The following GHR variants were observed in gnomAD, a reference collection of about 807,000 sequenced individuals.
GHR encodes GH receptor.
GHR carries 35 observed loss-of-function variants against 67.1 expected under a neutral mutation model. That is an observed-to-expected ratio of 0.52 (90% confidence interval 0.40 to 0.69). The LOEUF (loss-of-function observed/expected upper bound fraction) is 0.69. Among genes scored for constraint, GHR ranks in the 30% least tolerant of loss-of-function variants. The probability of loss-of-function intolerance (pLI) is 0.00; values close to 1 mark genes in which losing one functional copy is unlikely to be tolerated. For missense variants in GHR, 792 were observed against 764.6 expected (o/e 1.04, Z -0.42); for synonymous variants, 272 against 269.1 (o/e 1.01, Z -0.10).
At chr5:42,427,312 T>C (rs1250703493) in intron 1 of GHR, among the ~76,000 whole-genome samples, 1 of 152,152 alleles carries the variant, frequency 6.6e-6, no homozygotes. Context: ...CTCACAATCA[T>C]GGCGGAAGGT....
chr5:42,698,524 G>A (rs1484563130), intron 5 of GHR, among the ~76,000 whole-genome samples: 2 of 152,112 alleles, frequency 1.3e-5, no homozygotes, highest in Admixed American at 6.6e-5. Context: ...TCAAAATGTA[G>A]TCATGATTCA....
At chr5:42,563,733 G>C (rs1280849190) in intron 1 of GHR, among the ~76,000 whole-genome samples, 1 of 151,834 alleles carries the variant, frequency 6.6e-6, no homozygotes. Context: ...GCTTAAACCT[G>C]GGAGGCGGAA....
chr5:42,477,446 A>C (rs1468111999), intron 1 of GHR, among the ~76,000 whole-genome samples: 1 of 152,218 alleles, frequency 6.6e-6, no homozygotes, highest in East Asian at 1.9e-4. Context: ...TAGATCCCTG[A>C]GGAATCGCCA....
At chr5:42,671,678 C>T (rs572332638) in intron 3 of GHR, among the ~76,000 whole-genome samples, 31 of 150,936 alleles carry the variant, frequency 2.1e-4, no homozygotes, top group African/African-American at 5.3e-4. Context: ...ACTAGGCGGC[C>T]GGGCGCGGTG....
chr5:42,548,340 C>G (rs998660648), intron 1 of GHR: 1 of 985,144 alleles, frequency 1.0e-6, no homozygotes, highest in African/African-American at 1.7e-5. Context: ...AAGTGGTAAC[C>G]AAGAAACTTC....
chr5:42,720,456 T>C lies in GHR; in HGVS notation c.*1032T>C, dbSNP rs961035722. ...TTTAGTGCGTGCAGATGGTGAGAGA[T>C]AAGATCTATAGCCTCTGCAGCGGAA... On this transcript the variant is annotated 3_prime_UTR_variant, in exon 10 of 10. Transcript: ENST00000230882. 2.6e-5 allele frequency: 4 copies of C among 152,218 alleles called. No homozygotes were observed. Among genetic ancestry groups the C allele is most frequent in the Non-Finnish European group, 4.4e-5 (3 of 68,052 alleles). The allele number at this position is 152,218 out of a possible 1,614,324, so 9.4% of individuals were successfully genotyped here. A position where few individuals can be genotyped will look rare whatever the true frequency, so the allele number is the denominator to read the frequency against.
intron 1 of GHR, among the ~76,000 whole-genome samples, chr5:42,533,236 C>A (rs918960922): frequency 3.6e-4 from 55 of 152,144 alleles, no homozygotes; most frequent in African/African-American, 1.3e-3. Flanking sequence ...TCTGAATTGC[C>A]TATTTCTCCT....
chr5:42,561,297 T>C (rs1394232599), intron 1 of GHR, among the ~76,000 whole-genome samples: 1 of 152,228 alleles, frequency 6.6e-6, no homozygotes, highest in Non-Finnish European at 1.5e-5. Context: ...TTTCATGTGT[T>C]TGTACTGCCT....
chr5:42,705,779 C>T (rs1407244643), intron 6 of GHR, among the ~76,000 whole-genome samples: 1 of 152,086 alleles, frequency 6.6e-6, no homozygotes, highest in Non-Finnish European at 1.5e-5. Context: ...TGTACATATA[C>T]CACATTTCCT....
At chr5:42,634,541 A>ACACG (rs1754081877) in intron 3 of GHR, among the ~76,000 whole-genome samples, 1 of 151,808 alleles carries the variant, frequency 6.6e-6, no homozygotes, top group Non-Finnish European at 1.5e-5. Flanking sequence ...ACACACACAC[A>ACACG]CACTGCAAAA....
intron 1 of GHR, among the ~76,000 whole-genome samples, chr5:42,541,713 A>G (rs1277667814): frequency 6.6e-6 from 1 of 152,200 alleles, no homozygotes; most frequent in Non-Finnish European, 1.5e-5. Flanking sequence ...GGAGATAAAG[A>G]TGGAGATGGT....
At position 42,711,274 on chromosome 5, in the gene GHR, G is replaced by A. The variant is rs6177; in HGVS notation, c.686G>A (p.Arg229His). 1,360 of 1,612,192 alleles carry A rather than the reference G, an allele frequency of 8.4e-4. 10 individuals carry two copies. Among genetic ancestry groups the A allele is most frequent in the Middle Eastern group, 8.1e-3 (49 of 6,054 alleles). Reference sequence around the variant, plus strand: ...AAAGTGGATAAGGAATATGAAGTGCGTGTGAGATCCAAACAACGAAACTCT... The same window carrying A: ...AAAGTGGATAAGGAATATGAAGTGCATGTGAGATCCAAACAACGAAACTCT... ...SLKVDKEYEV[R>H]VRSKQRNSGN... The change falls in exon 7 of 10, where the codon CGT (arginine) becomes CAT (histidine). Residue 229 changes from arginine (R) to histidine (H), a missense_variant. By Grantham distance (29) the Arg-to-His change is conservative. Transcript: ENST00000230882.
intron 2 of GHR, among the ~76,000 whole-genome samples, chr5:42,581,864 G>A (rs752697880): frequency 9.9e-5 from 15 of 152,270 alleles, no homozygotes; most frequent in East Asian, 7.7e-4. Context: ...CCGTGCTCTC[G>A]GGGGCCCAGG....
At chr5:42,654,769 GGACCA>G (rs1161039064) in intron 3 of GHR, among the ~76,000 whole-genome samples, 2 of 152,084 alleles carry the variant, frequency 1.3e-5, no homozygotes, top group Admixed American at 6.6e-5. Context: ...TGCTGCAGGT[GGACCA>G]GACTCCCAAG....
chr5:42,483,343 T>C (rs370341592), intron 1 of GHR, among the ~76,000 whole-genome samples: 1 of 152,288 alleles, frequency 6.6e-6, no homozygotes, highest in South Asian at 2.1e-4. Context: ...TGAGCCTCCA[T>C]GGCTGGGCAC....
At chr5:42,610,719 G>T (rs376588503) in intron 2 of GHR, among the ~76,000 whole-genome samples, 4 of 152,006 alleles carry the variant, frequency 2.6e-5, no homozygotes, top group African/African-American at 9.7e-5. Flanking sequence ...AAGGAGGGAA[G>T]AAAGGAAAGA....
chr5:42,462,614 G>A (rs1744533906), intron 1 of GHR, among the ~76,000 whole-genome samples: 1 of 152,034 alleles, frequency 6.6e-6, no homozygotes, highest in Non-Finnish European at 1.5e-5. Flanking sequence ...ATTATTGAAA[G>A]CAATTTTCTT....
intron 1 of GHR, among the ~76,000 whole-genome samples, chr5:42,534,803 C>A (rs181557926): frequency 2.0e-5 from 3 of 151,956 alleles, no homozygotes; most frequent in Non-Finnish European, 2.9e-5. Flanking sequence ...CCCTGATCAC[C>A]GCATTCATGC....
intron 3 of GHR, among the ~76,000 whole-genome samples, chr5:42,649,451 A>G (rs1213345358): frequency 6.6e-6 from 1 of 152,232 alleles, no homozygotes; most frequent in East Asian, 1.9e-4. Context: ...AAATACCTTA[A>G]TGAATTTGAG....
Sources: gnomAD v4.1 joint callset for allele counts (sites outside exome capture counted in the v4.1 genomes callset) on GRCh38, gnomAD v4.1.1 for gene constraint, MANE v1.5 for transcripts, NCBI Gene and HGNC (gene_info 2026-07-23, HGNC 2026-07-21) for gene names.